CACNA2D3: variants seen among roughly 807,000 people sequenced by gnomAD.
The protein encoded by CACNA2D3 is voltage-dependent calcium channel subunit alpha-2/delta-3.
Under a neutral mutation model 160.6 loss-of-function variants are expected in CACNA2D3, and 60 were observed. That is an observed-to-expected ratio of 0.37 (90% CI 0.30 to 0.46). The LOEUF is 0.46. Among genes scored for constraint, CACNA2D3 ranks in the 20% least tolerant of loss-of-function variants. The probability of loss-of-function intolerance (pLI) is 1.00; values close to 1 mark genes in which losing one functional copy is unlikely to be tolerated. For synonymous variants in CACNA2D3, 558 were observed against 492.9 expected (o/e 1.13, Z -1.75); for missense variants, 1,205 against 1,365.0 (o/e 0.88, Z 1.85).
intron 2 of CACNA2D3, among the ~76,000 whole-genome samples, chr3:54,264,548 G>A (rs11714935): frequency 0.69 from 105,245 of 152,060 alleles, 37,097 homozygotes; most frequent in African/African-American, 0.84. Context: ...TGTCTCACTC[G>A]TTTCTTTTTC....
chr3:54,629,865 C>T (rs927465579), intron 10 of CACNA2D3, among the ~76,000 whole-genome samples: 1 of 152,142 alleles, frequency 6.6e-6, no homozygotes, highest in African/African-American at 2.4e-5. Flanking sequence ...GAAGTCTTCC[C>T]TGCAGTGAAT....
intron 13 of CACNA2D3, among the ~76,000 whole-genome samples, chr3:54,800,254 C>T (rs958372844): frequency 1.6e-4 from 24 of 152,166 alleles, no homozygotes; most frequent in African/African-American, 5.5e-4. Context: ...TGTCGTTAGA[C>T]CCTGGACTGC....
intron 5 of CACNA2D3, among the ~76,000 whole-genome samples, chr3:54,514,656 T>C (rs992037339): frequency 6.6e-6 from 1 of 152,048 alleles, no homozygotes; most frequent in Admixed American, 6.5e-5. Flanking sequence ...AGTAAGAGTG[T>C]ATCCCACAGC....
chr3:54,972,900 G>A (rs781462748), intron 29 of CACNA2D3, among the ~76,000 whole-genome samples: 3 of 152,072 alleles, frequency 2.0e-5, no homozygotes, highest in Middle Eastern at 3.2e-3. Flanking sequence ...CATCTTTACC[G>A]AGCCCTTCTT....
At chr3:54,602,342 AC>A (rs1703075469) in intron 9 of CACNA2D3, among the ~76,000 whole-genome samples, 1 of 151,940 alleles carries the variant, frequency 6.6e-6, no homozygotes, top group Non-Finnish European at 1.5e-5. Flanking sequence ...TACAAACAAT[AC>A]AAAAATTAGC....
intron 11 of CACNA2D3, among the ~76,000 whole-genome samples, chr3:54,673,117 T>G (rs189036667): frequency 9.9e-5 from 15 of 152,242 alleles, no homozygotes; most frequent in Admixed American, 5.2e-4. Context: ...GAATCAAGGG[T>G]GATGCCACAC....
chr3:54,727,625 G>GA (rs1368097476), intron 11 of CACNA2D3, among the ~76,000 whole-genome samples: 1 of 152,170 alleles, frequency 6.6e-6, no homozygotes, highest in Non-Finnish European at 1.5e-5. Context: ...GATGAAGCTA[G>GA]AAACTATCAT....
chr3:54,640,379 G>A (rs569245133), intron 10 of CACNA2D3, among the ~76,000 whole-genome samples: 16 of 152,240 alleles, frequency 1.1e-4, no homozygotes, highest in Middle Eastern at 3.4e-3. Context: ...TTCCCATCTC[G>A]CAGCATTGAC....
intron 2 of CACNA2D3, among the ~76,000 whole-genome samples, chr3:54,287,758 C>T (rs1258109270): frequency 6.7e-6 from 1 of 148,426 alleles, no homozygotes; most frequent in Admixed American, 6.7e-5. Flanking sequence ...AACTAGAACT[C>T]AGGATTAAGA....
chr3:54,332,118 A>G (rs983489040), intron 3 of CACNA2D3, among the ~76,000 whole-genome samples: 7 of 152,262 alleles, frequency 4.6e-5, no homozygotes, highest in Non-Finnish European at 1.0e-4. Context: ...AAGAAAGAGC[A>G]TTAAGCCTTC....
In CACNA2D3 at chr3:54,829,885, C is replaced by CTTTTTTTTT. The variant is rs58291013; in HGVS notation, c.1399-7255_1399-7247dup. 4.2e-4 allele frequency among the ~76,000 whole-genome samples: 27 copies of CTTTTTTTTT among 64,352 alleles called. 3 individuals are homozygous for CTTTTTTTTT. The highest frequency in any genetic ancestry group is 8.2e-4 in the South Asian group (1 of 1,220). The allele number at this position is 64,352 out of a possible 152,430, so 42.2% of individuals were successfully genotyped here. A position where few individuals can be genotyped will look rare whatever the true frequency, so the allele number is the denominator to read the frequency against. ...CATATCTTTTCTTCTTCTTCTTCAT[C>CTTTTTTTTT]TTTTTTTTTTTTTTTTTTTTTTTTT... On this transcript the variant is annotated intron_variant, in intron 14 of 37. Coordinates refer to ENST00000474759, the MANE Select transcript of CACNA2D3 (RefSeq NM_018398.3).
At chr3:54,409,802 G>A (rs1160245914) in intron 4 of CACNA2D3, among the ~76,000 whole-genome samples, 1 of 152,198 alleles carries the variant, frequency 6.6e-6, no homozygotes, top group Non-Finnish European at 1.5e-5. Context: ...TTCTATGAAG[G>A]CTGAGAGAAG....
intron 11 of CACNA2D3, among the ~76,000 whole-genome samples, chr3:54,699,537 C>T (rs1008006014): frequency 1.3e-5 from 2 of 152,188 alleles, no homozygotes; most frequent in Admixed American, 1.3e-4. Flanking sequence ...CTTAGTTTTA[C>T]GTCCTGCTGC....
intron 27 of CACNA2D3, among the ~76,000 whole-genome samples, chr3:54,966,767 T>C (rs550462986): frequency 2.3e-4 from 35 of 152,272 alleles, no homozygotes; most frequent in African/African-American, 8.4e-4. Flanking sequence ...TGCAGTGAGC[T>C]GAGATCACAC....
At chr3:54,284,141 A>C (rs1040245195) in intron 2 of CACNA2D3, among the ~76,000 whole-genome samples, 10 of 152,194 alleles carry the variant, frequency 6.6e-5, no homozygotes, top group Non-Finnish European at 1.3e-4. Context: ...TCCCTTTTAA[A>C]TGGTTAAAAT....
At chr3:54,722,229 C>T (rs1163811793) in intron 11 of CACNA2D3, among the ~76,000 whole-genome samples, 3 of 152,116 alleles carry the variant, frequency 2.0e-5, no homozygotes, top group Non-Finnish European at 4.4e-5. Flanking sequence ...GTATGCTTCA[C>T]GAAGTTCTCA....
At chr3:54,757,767 G>A (rs150393939) in intron 12 of CACNA2D3, among the ~76,000 whole-genome samples, 1 of 152,310 alleles carries the variant, frequency 6.6e-6, no homozygotes, top group African/African-American at 2.4e-5. Flanking sequence ...ATGAGGTACT[G>A]TTATCATTAT....
intron 13 of CACNA2D3, among the ~76,000 whole-genome samples, chr3:54,811,811 C>T (rs970783462): frequency 6.6e-6 from 1 of 152,096 alleles, no homozygotes; most frequent in African/African-American, 2.4e-5. Context: ...TCTGTCAGTT[C>T]TTATCTAGAC....
intron 23 of CACNA2D3, 27 bp from the exon 24 acceptor site, chr3:54,887,932 C>A: frequency 6.3e-7 from 1 of 1,584,442 alleles, no homozygotes; most frequent in Non-Finnish European, 8.7e-7. Flanking sequence ...CCTGCTGAAG[C>A]ATCCTCTTGT....
Sources: allele counts gnomAD v4.1 joint callset (sites outside exome capture counted in the v4.1 genomes callset), GRCh38; gene constraint gnomAD v4.1.1; transcripts MANE v1.5; gene names NCBI Gene and HGNC (gene_info 2026-07-23, HGNC 2026-07-21).